LRBA: variants seen among roughly 807,000 people sequenced by gnomAD.
LRBA encodes the protein LPS responsive beige-like anchor protein.
In LRBA, 176 loss-of-function variants were observed where a neutral mutation model predicts 330.0. The ratio of observed to expected loss-of-function variants is 0.53; its 90% CI spans 0.47 to 0.60. LRBA has a LOEUF of 0.60. LRBA is among the 20% of genes least tolerant of loss of function. The pLI is 0.00. For synonymous variants in LRBA, 1,230 were observed against 1,193.0 expected (o/e 1.03, Z -0.64); for missense variants, 3,259 against 3,444.8 (o/e 0.95, Z 1.35).
rs137913456 is a variant in LRBA at position 150,467,390 on chromosome 4, T to C, written c.6780+283A>G. On this transcript the variant is annotated intron_variant, in intron 44 of 56. Transcript: ENST00000651943. ...GTGTCTCTTTATAGAATGAGTCCCA[T>C]AAATAAGTGAAATAAAAGTGATATT... Among the ~76,000 whole-genome samples the C allele has an allele frequency of 3.3e-5, 5 of 152,178 alleles. No individual in the cohort carries two copies. In the East Asian group the frequency reaches 9.7e-4, roughly 29 times the overall value.
chr4:150,580,859 G>T (rs1189551742), intron 40 of LRBA: 1 of 152,734 alleles, frequency 6.5e-6, no homozygotes, highest in Non-Finnish European at 1.5e-5. Context: ...AGCCATCTGT[G>T]TAATCAATAA....
At chr4:150,397,742 T>G (rs1744933796) in intron 47 of LRBA, among the ~76,000 whole-genome samples, 1 of 152,196 alleles carries the variant, frequency 6.6e-6, no homozygotes, top group Non-Finnish European at 1.5e-5. Flanking sequence ...CTGTGACAAG[T>G]TACCTAAACT....
chr4:150,705,694 T>C (rs1052242787), intron 36 of LRBA, among the ~76,000 whole-genome samples: 1 of 152,020 alleles, frequency 6.6e-6, no homozygotes, highest in Non-Finnish European at 1.5e-5. Context: ...AAAAGTATAC[T>C]ATGAATATCA....
chr4:150,727,491 C>CA (rs1292471875), intron 36 of LRBA, among the ~76,000 whole-genome samples: 1 of 151,998 alleles, frequency 6.6e-6, no homozygotes, highest in Non-Finnish European at 1.5e-5. Flanking sequence ...TTAAAACACT[C>CA]AAAAAACCTG....
intron 37 of LRBA, among the ~76,000 whole-genome samples, chr4:150,665,574 C>T (rs914805551): frequency 1.3e-5 from 2 of 152,194 alleles, no homozygotes; most frequent in Non-Finnish European, 2.9e-5. Flanking sequence ...TCAACCTCTA[C>T]AACCACTGGT....
intron 44 of LRBA, among the ~76,000 whole-genome samples, chr4:150,463,538 G>GCC (rs201882143): frequency 6.6e-6 from 1 of 151,724 alleles, no homozygotes; most frequent in African/African-American, 2.4e-5. Context: ...TTGTTTTGCA[G>GCC]CCCCCCCTTT....
intron 47 of LRBA, among the ~76,000 whole-genome samples, chr4:150,380,692 T>C (rs1199124792): frequency 6.6e-6 from 1 of 152,088 alleles, no homozygotes; most frequent in Non-Finnish European, 1.5e-5. Context: ...TATTTTGTTT[T>C]AGGCCAGGTG....
intron 37 of LRBA, among the ~76,000 whole-genome samples, chr4:150,659,148 G>A (rs1219492888): frequency 1.5e-5 from 2 of 137,504 alleles, no homozygotes; most frequent in South Asian, 2.5e-4. Flanking sequence ...CCCCGTCTGG[G>A]AAGGGAGGAG....
chr4:150,421,177 T>TTATATTATATATAA (rs1748730320), intron 46 of LRBA, among the ~76,000 whole-genome samples: 1 of 131,616 alleles, frequency 7.6e-6, no homozygotes, highest in Non-Finnish European at 1.5e-5. Flanking sequence ...ATATAATACA[T>TTATATTATATATAA]AGATAATATA....
In LRBA at chr4:150,697,325, G is replaced by GAAAAAAAAAAAAAAAAAAA. The variant is rs60145657; in HGVS notation, c.5755-13627_5755-13609dup. The stretch of plus-strand genomic sequence containing the variant: ...GGTGACAGAGTGAGACTTTGTCTCA[G>GAAAAAAAAAAAAAAAAAAA]AAAAAAAAAAAAAAAAAAAAAAAAA... On this transcript the variant is annotated intron_variant, in intron 36 of 56. Transcript: ENST00000651943. 1.4e-4 allele frequency among the ~76,000 whole-genome samples: 4 copies of GAAAAAAAAAAAAAAAAAAA among 28,050 alleles called. 1 individual carries two copies. The highest frequency in any genetic ancestry group is 1.9e-4 in the Non-Finnish European group (3 of 16,064). 18.4% of individuals were successfully genotyped at this position (28,050 alleles called of 152,430 possible).
intron 49 of LRBA, among the ~76,000 whole-genome samples, chr4:150,324,005 C>T (rs1732900993): frequency 6.6e-6 from 1 of 152,146 alleles, no homozygotes; most frequent in East Asian, 1.9e-4. Flanking sequence ...CACATATGGA[C>T]AAAGCGAAAA....
At chr4:151,009,778 A>T (rs1181180977) in intron 2 of LRBA, among the ~76,000 whole-genome samples, 2 of 152,004 alleles carry the variant, frequency 1.3e-5, no homozygotes, top group Admixed American at 6.6e-5. Context: ...CAGGAGATCC[A>T]GGCCATCCTG....
intron 22 of LRBA, among the ~76,000 whole-genome samples, chr4:150,861,621 T>C (rs1228673319): frequency 6.6e-6 from 1 of 152,218 alleles, no homozygotes. Context: ...GCAGGTCTAG[T>C]ACACTACAGA....
chr4:150,727,385 G>C (rs973206416), intron 36 of LRBA, among the ~76,000 whole-genome samples: 9 of 151,952 alleles, frequency 5.9e-5, no homozygotes, highest in Non-Finnish European at 1.3e-4. Context: ...GATATTTACA[G>C]AACATTGCAT....
chr4:150,859,377 A>G (rs750087042), intron 22 of LRBA, among the ~76,000 whole-genome samples: 6 of 152,234 alleles, frequency 3.9e-5, no homozygotes, highest in Non-Finnish European at 5.9e-5. Context: ...TAAATGCCTT[A>G]ATTTAAATTT....
chr4:150,456,066 C>CATCT (rs1373413867), intron 44 of LRBA, among the ~76,000 whole-genome samples: 1 of 152,108 alleles, frequency 6.6e-6, no homozygotes, highest in Non-Finnish European at 1.5e-5. Context: ...TTTATTCATT[C>CATCT]ATCTGTTGAT....
At chr4:150,742,724 CAA>C in intron 35 of LRBA, among the ~76,000 whole-genome samples, 1 of 151,934 alleles carries the variant, frequency 6.6e-6, no homozygotes, top group African/African-American at 2.4e-5. Context: ...TTCTTCTCTA[CAA>C]AAAAACACCA....
At chr4:150,836,781 T>G (rs1174287454) in intron 28 of LRBA, among the ~76,000 whole-genome samples, 2 of 152,188 alleles carry the variant, frequency 1.3e-5, no homozygotes, top group African/African-American at 2.4e-5. Flanking sequence ...GGGTTTTTTG[T>G]GTCTCTATCT....
intron 43 of LRBA, 74 bp from the exon 44 acceptor site, chr4:150,467,859 T>A: frequency 1.5e-6 from 1 of 663,356 alleles, no homozygotes; most frequent in Non-Finnish European, 2.5e-6. Context: ...TATAATTTAC[T>A]AAAAATAAGA....
Sources: gnomAD v4.1 joint callset for allele counts (sites outside exome capture counted in the v4.1 genomes callset) on GRCh38, gnomAD v4.1.1 for gene constraint, MANE v1.5 for transcripts, NCBI Gene and HGNC (gene_info 2026-07-23, HGNC 2026-07-21) for gene names.